RASA1: variants seen among roughly 807,000 people sequenced by gnomAD.
The protein encoded by RASA1 is RAS p21 protein activator 1.
A neutral mutation model predicts 132.2 loss-of-function variants in RASA1; 25 were observed. The ratio of observed to expected loss-of-function variants is 0.19; its 90% CI spans 0.14 to 0.26. RASA1 has a LOEUF of 0.26. Ranked by LOEUF, RASA1 falls within the 10% of genes least tolerant of loss-of-function variation. RASA1 has a pLI of 1.00. For synonymous variants in RASA1, 477 were observed against 449.9 expected (o/e 1.06, Z -0.76); for missense variants, 964 against 1,299.2 (o/e 0.74, Z 3.97).
In RASA1 at chr5:87,332,549, T is replaced by G. The variant is rs1480954741; in HGVS notation, c.735T>G (p.Arg245=). Residue 245 remains arginine, a synonymous_variant, in exon 3 of 25, where the codon CGT becomes CGG. Transcript: ENST00000274376. ...GAGATTACTACATTGGTGGAAGACGTTTTTCTTCACTGTCAGACCTAATAG... is the reference window on the plus strand; with the variant it reads ...GAGATTACTACATTGGTGGAAGACGGTTTTCTTCACTGTCAGACCTAATAG... ...MCGDYYIGGR[R]FSSLSDLIGY... 28 of 1,608,126 alleles carry G rather than the reference T, an allele frequency of 1.7e-5. No individual in the cohort carries two copies. The highest frequency in any genetic ancestry group is 2.4e-5 in the Non-Finnish European group (28 of 1,174,924).
chr5:87,313,399 G>A (rs1039328730), intron 1 of RASA1, among the ~76,000 whole-genome samples: 10 of 152,138 alleles, frequency 6.6e-5, no homozygotes, highest in Non-Finnish European at 1.2e-4. Context: ...AAAGAGGAAG[G>A]AGAGGTGAGA....
intron 1 of RASA1, among the ~76,000 whole-genome samples, chr5:87,294,936 T>C (rs945902986): frequency 1.3e-5 from 2 of 152,254 alleles, no homozygotes; most frequent in African/African-American, 2.4e-5. Flanking sequence ...CCATTCCTGA[T>C]AGAGCCATGT....
At chr5:87,281,683 C>T (rs771964754) in intron 1 of RASA1, among the ~76,000 whole-genome samples, 7 of 152,022 alleles carry the variant, frequency 4.6e-5, no homozygotes, top group Non-Finnish European at 5.9e-5. Context: ...TGGGTTTAAG[C>T]GATCCTCCTG....
intron 1 of RASA1, among the ~76,000 whole-genome samples, chr5:87,295,729 C>G (rs998532575): frequency 6.6e-6 from 1 of 151,806 alleles, no homozygotes; most frequent in Non-Finnish European, 1.5e-5. Flanking sequence ...CCAGGCCGGT[C>G]TCAAATTCCT....
chr5:87,331,068 C>A, intron 1 of RASA1: 3 of 1,091,630 alleles, frequency 2.7e-6, no homozygotes, highest in Non-Finnish European at 3.8e-6. Flanking sequence ...TTTTGAATAG[C>A]AGGCAATCCT....
chr5:87,349,263 C>A lies in RASA1; in HGVS notation c.1152C>A (p.Gly384=). Residue 384 remains glycine (G), a synonymous_variant, in exon 8 of 25, where the codon GGC becomes GGA. Coordinates refer to ENST00000274376, the MANE Select transcript of RASA1 (RefSeq NM_002890.3). ...TGAGGCCCTCAGATAATACTCCTGG[C>A]GATTATTCACTTTATTTCCGGACCA... The part of the protein sequence containing the change: ...FLVRPSDNTP[G]DYSLYFRTNE... 1.9e-6 allele frequency: 3 copies of A among 1,611,922 alleles called. No homozygotes were observed. The highest frequency in any genetic ancestry group is 2.2e-5 in the East Asian group (1 of 44,752).
At chr5:87,340,898 C>T (rs1391696761) in intron 5 of RASA1, among the ~76,000 whole-genome samples, 8 of 151,852 alleles carry the variant, frequency 5.3e-5, no homozygotes, top group African/African-American at 1.4e-4. Context: ...GAAATGTAGA[C>T]TTGAGTCCTG....
intron 23 of RASA1, among the ~76,000 whole-genome samples, chr5:87,387,306 T>C (rs1348892682): frequency 2.0e-5 from 3 of 152,168 alleles, no homozygotes; most frequent in African/African-American, 7.2e-5. Flanking sequence ...ATAAGTAGAC[T>C]GAAAAGTCTT....
intron 8 of RASA1, among the ~76,000 whole-genome samples, chr5:87,349,991 A>G (rs1759138957): frequency 1.3e-5 from 2 of 151,902 alleles, no homozygotes; most frequent in Non-Finnish European, 2.9e-5. Context: ...TTTTCCTATA[A>G]CTAATAACTC....
At chr5:87,359,179 T>C (rs1759883160) in intron 9 of RASA1, among the ~76,000 whole-genome samples, 1 of 152,118 alleles carries the variant, frequency 6.6e-6, no homozygotes. Flanking sequence ...TTAAATGGCG[T>C]TTTCCTACAT....
intron 12 of RASA1, among the ~76,000 whole-genome samples, chr5:87,371,636 C>T (rs1021526050): frequency 3.3e-5 from 5 of 152,032 alleles, no homozygotes; most frequent in Non-Finnish European, 7.4e-5. Context: ...GTATCATGGT[C>T]TAAAGTATAG....
At chr5:87,374,408 C>A in intron 14 of RASA1, 88 bp downstream of exon 14, 2 of 1,143,882 alleles carry the variant, frequency 1.7e-6, no homozygotes, top group Non-Finnish European at 2.5e-6. Flanking sequence ...TCTAAACCAT[C>A]AGAACAAGGT....
chr5:87,378,575 G>A, intron 18 of RASA1, 37 bp downstream of exon 18: 2 of 1,558,288 alleles, frequency 1.3e-6, no homozygotes, highest in Non-Finnish European at 1.8e-6. Context: ...TTTTTGCAAA[G>A]AACATATTTT....
rs1358370562 is a variant in RASA1, at chr5:87,349,200, C to G, written c.1103-14C>G. 1 of 1,610,746 alleles carries G rather than the reference C, an allele frequency of 6.2e-7. No homozygotes were observed. The highest frequency in any genetic ancestry group is 8.5e-7 in the Non-Finnish European group (1 of 1,177,828). On this transcript the variant is annotated splice_polypyrimidine_tract_variant and intron_variant, in intron 7 of 24. Transcript: ENST00000274376. ...TTGATAATTAGGGAAAAACTAACAGCTTAATTCTTACAGTTGGTCAAGTCT... is the reference window on the plus strand; with the variant it reads ...TTGATAATTAGGGAAAAACTAACAGGTTAATTCTTACAGTTGGTCAAGTCT...
intron 12 of RASA1, among the ~76,000 whole-genome samples, chr5:87,371,557 A>G (rs1760941047): frequency 6.6e-6 from 1 of 152,152 alleles, no homozygotes; most frequent in African/African-American, 2.4e-5. Context: ...GGCTAAAATG[A>G]TTTTTAAAAT....
Position 87,268,004 on chromosome 5 carries a change from C to G in RASA1, c.-448C>G, listed in dbSNP as rs1192805163. On this transcript the variant is annotated 5_prime_UTR_variant, in exon 1 of 25. Coordinates refer to ENST00000274376, the MANE Select transcript of RASA1 (RefSeq NM_002890.3). The stretch of plus-strand genomic sequence containing the variant: ...GGAGGATGAAGCGGCTGCAGTGGCC[C>G]CAGCCTCAGCAGCGGCACCGGCGGT... 2.5e-5 allele frequency: 10 copies of G among 407,170 alleles called. No individual in the cohort carries two copies. The highest frequency in any genetic ancestry group is 4.3e-6 in the Non-Finnish European group (1 of 231,560). 25.2% of individuals were successfully genotyped at this position (407,170 alleles called of 1,614,324 possible).
intron 1 of RASA1, among the ~76,000 whole-genome samples, chr5:87,279,846 A>G (rs879863448): frequency 6.6e-6 from 1 of 152,218 alleles, no homozygotes; most frequent in Non-Finnish European, 1.5e-5. Context: ...TACAAAGTCA[A>G]AATCCCACAA....
intron 1 of RASA1, among the ~76,000 whole-genome samples, chr5:87,270,877 T>G (rs1215432410): frequency 6.6e-6 from 1 of 152,082 alleles, no homozygotes; most frequent in African/African-American, 2.4e-5. Flanking sequence ...TTCAAGTCTT[T>G]CGTCAGAGTT....
intron 5 of RASA1, among the ~76,000 whole-genome samples, chr5:87,339,795 A>G (rs759814911): frequency 1.2e-4 from 19 of 152,264 alleles, no homozygotes; most frequent in Non-Finnish European, 2.5e-4. Flanking sequence ...CACGTCATTT[A>G]TAAACAATTT....
Sources: gnomAD v4.1 joint callset for allele counts (sites outside exome capture counted in the v4.1 genomes callset) on GRCh38, gnomAD v4.1.1 for gene constraint, MANE v1.5 for transcripts, NCBI Gene and HGNC (gene_info 2026-07-23, HGNC 2026-07-21) for gene names.